The following SCHIP1 variants were observed in gnomAD, a reference collection of about 807,000 sequenced individuals.
SCHIP1 encodes schwannomin-interacting protein 1.
SCHIP1 carries 8 observed loss-of-function variants against 29.7 expected under a neutral mutation model. The ratio of observed to expected loss-of-function variants is 0.27; its 90% confidence interval spans 0.16 to 0.49. SCHIP1 has a LOEUF of 0.49. Among genes scored for constraint, SCHIP1 ranks in the 20% least tolerant of loss-of-function variants. The probability of loss-of-function intolerance (pLI) is 0.99; values close to 1 mark genes in which losing one functional copy is unlikely to be tolerated. For synonymous variants in SCHIP1, 76 were observed against 94.9 expected (o/e 0.80, Z 1.16); for missense variants, 193 against 294.6 (o/e 0.66, Z 2.52).
chr3:159,723,056 G>A, the SCHIP1 span, among the ~76,000 whole-genome samples: 2 of 152,138 alleles, frequency 1.3e-5, no homozygotes, highest in Non-Finnish European at 2.9e-5. Context: ...CAGGAGCTGG[G>A]TAGGTGTTTT....
the SCHIP1 span, among the ~76,000 whole-genome samples, chr3:159,392,641 CTCA>C: frequency 5.3e-5 from 8 of 151,928 alleles, no homozygotes; most frequent in Non-Finnish European, 1.2e-4. Context: ...AGGACATGAA[CTCA>C]TCATTTTTTA....
chr3:159,408,803 C>T, the SCHIP1 span, among the ~76,000 whole-genome samples: 1 of 152,142 alleles, frequency 6.6e-6, no homozygotes, highest in African/African-American at 2.4e-5. Flanking sequence ...CAGTATTATC[C>T]TGATACCAAA....
the SCHIP1 span, among the ~76,000 whole-genome samples, chr3:159,463,207 T>C: frequency 1.3e-5 from 2 of 152,004 alleles, no homozygotes; most frequent in Non-Finnish European, 2.9e-5. Context: ...CTATAGAATA[T>C]TGTCAATTCA....
the SCHIP1 span, among the ~76,000 whole-genome samples, chr3:159,619,699 TTTG>T: frequency 6.6e-6 from 1 of 152,242 alleles, no homozygotes; most frequent in South Asian, 2.1e-4. Flanking sequence ...ACACTTTTTG[TTTG>T]TTGTTATTGT....
the SCHIP1 span, among the ~76,000 whole-genome samples, chr3:159,495,679 T>C: frequency 6.6e-6 from 1 of 152,208 alleles, no homozygotes; most frequent in Non-Finnish European, 1.5e-5. Flanking sequence ...ATGGCCATAC[T>C]GCCCAAGGTA....
the SCHIP1 span, among the ~76,000 whole-genome samples, chr3:159,473,630 G>T: frequency 6.9e-6 from 1 of 145,442 alleles, no homozygotes; most frequent in Non-Finnish European, 1.5e-5. Flanking sequence ...GGGCAAGAAG[G>T]GTTTCTAATG....
intron 1 of SCHIP1, among the ~76,000 whole-genome samples, chr3:159,853,696 G>A (rs909674022): frequency 6.6e-6 from 1 of 152,178 alleles, no homozygotes; most frequent in African/African-American, 2.4e-5. Flanking sequence ...TTATTCTGAA[G>A]TTGAAAAAAT....
At chr3:159,275,045 G>A in the SCHIP1 span, 3 of 973,446 alleles carry the variant, frequency 3.1e-6, no homozygotes, top group African/African-American at 3.5e-5. Flanking sequence ...GGGATAAATG[G>A]TACTTACATT....
the SCHIP1 span, among the ~76,000 whole-genome samples, chr3:159,680,005 T>C: frequency 6.6e-6 from 1 of 152,032 alleles, no homozygotes; most frequent in African/African-American, 2.4e-5. Context: ...CCTGCTGTAT[T>C]GCTAAGCTCC....
the SCHIP1 span, among the ~76,000 whole-genome samples, chr3:159,397,709 C>T: frequency 6.6e-6 from 1 of 152,146 alleles, no homozygotes; most frequent in African/African-American, 2.4e-5. Context: ...CTGGGAGAAC[C>T]ACTGCTCTCT....
chr3:159,642,480 C>T, the SCHIP1 span, among the ~76,000 whole-genome samples: 2 of 152,076 alleles, frequency 1.3e-5, no homozygotes, highest in Non-Finnish European at 2.9e-5. Context: ...GGCTTCTCAT[C>T]TCTGTTTAAC....
chr3:159,694,571 A>AGAAAGAAG, the SCHIP1 span, among the ~76,000 whole-genome samples: 3 of 151,158 alleles, frequency 2.0e-5, no homozygotes, highest in African/African-American at 7.3e-5. Context: ...AAAGAAAGAA[A>AGAAAGAAG]GAAAGAAAGA....
the SCHIP1 span, among the ~76,000 whole-genome samples, chr3:159,645,116 G>T: frequency 6.6e-6 from 1 of 152,018 alleles, no homozygotes; most frequent in Non-Finnish European, 1.5e-5. Flanking sequence ...TTATTCCAGC[G>T]GGAAGAAAAC....
chr3:159,598,474 C>A, the SCHIP1 span, among the ~76,000 whole-genome samples: 31,187 of 152,172 alleles, frequency 0.2, 8,708 homozygotes, highest in African/African-American at 0.63. Flanking sequence ...TGCATATCCA[C>A]AATCCAGTGG....
chr3:159,784,722 C>G, the SCHIP1 span, among the ~76,000 whole-genome samples: 5 of 152,222 alleles, frequency 3.3e-5, no homozygotes, highest in Non-Finnish European at 7.3e-5. Context: ...GGTGCCATCT[C>G]AGCTCACTGC....
At chr3:159,823,617 G>A in the SCHIP1 span, among the ~76,000 whole-genome samples, 6 of 152,124 alleles carry the variant, frequency 3.9e-5, no homozygotes, top group Admixed American at 1.3e-4. Context: ...CCTATGAAGG[G>A]AAGTTGTCTT....
chr3:159,464,046 T>A, the SCHIP1 span, among the ~76,000 whole-genome samples: 32 of 152,170 alleles, frequency 2.1e-4, no homozygotes, highest in African/African-American at 7.7e-4. Context: ...ACTCTATGTC[T>A]GTTCACATGT....
chr3:159,415,746 G>T, the SCHIP1 span, among the ~76,000 whole-genome samples: 2 of 152,088 alleles, frequency 1.3e-5, no homozygotes, highest in African/African-American at 4.8e-5. Context: ...ATGATTGCTA[G>T]ATATTTGTGA....
At chr3:159,745,438 CCAGA>C in the SCHIP1 span, among the ~76,000 whole-genome samples, 10 of 152,136 alleles carry the variant, frequency 6.6e-5, no homozygotes, top group African/African-American at 2.4e-4. Context: ...ATTCCAGAGC[CCAGA>C]CAGTGTCCTA....
Sources: allele counts gnomAD v4.1 joint callset (sites outside exome capture counted in the v4.1 genomes callset), GRCh38; gene constraint gnomAD v4.1.1; transcripts MANE v1.5; gene names NCBI Gene and HGNC (gene_info 2026-07-23, HGNC 2026-07-21).